The following LTBP1 variants were observed in gnomAD, a reference collection of about 807,000 sequenced individuals.
The protein encoded by LTBP1 is latent-transforming growth factor beta-binding protein 1.
LTBP1 carries 129 observed loss-of-function variants against 207.6 expected under a neutral mutation model. The ratio of observed to expected loss-of-function variants is 0.62; its 90% confidence interval spans 0.54 to 0.72. The LOEUF is 0.72. Ranked by LOEUF, LTBP1 falls within the 30% of genes least tolerant of loss-of-function variation. The probability of loss-of-function intolerance (pLI) is 0.00; values close to 1 mark genes in which losing one functional copy is unlikely to be tolerated. For missense variants in LTBP1, 2,281 were observed against 2,217.2 expected, an observed-to-expected ratio of 1.03 and a Z score of -0.58; for synonymous variants, 963 against 833.7, an observed-to-expected ratio of 1.16 and a Z score of -2.67.
chr2:33,164,416 A>T (rs1291331208), intron 5 of LTBP1, among the ~76,000 whole-genome samples: 1 of 151,052 alleles, frequency 6.6e-6, no homozygotes, highest in African/African-American at 2.4e-5. Flanking sequence ...AATAAATCTG[A>T]AGTTTGGTTC....
chr2:33,335,753 T>C (rs543189784), intron 24 of LTBP1, among the ~76,000 whole-genome samples: 23 of 152,338 alleles, frequency 1.5e-4, no homozygotes, highest in Admixed American at 3.9e-4. Context: ...ACTTGTTGGC[T>C]GAGATTTACT....
intron 3 of LTBP1, among the ~76,000 whole-genome samples, chr2:33,039,108 CTGATTAGTG>C (rs2076063394): frequency 6.6e-6 from 1 of 152,192 alleles, no homozygotes; most frequent in Admixed American, 6.5e-5. Context: ...TCGAAGAGTA[CTGATTAGTG>C]TGTTCAGAGG....
At chr2:33,387,155 A>G (rs936600785) in intron 31 of LTBP1, among the ~76,000 whole-genome samples, 6 of 152,154 alleles carry the variant, frequency 3.9e-5, no homozygotes, top group African/African-American at 1.2e-4. Flanking sequence ...CATTTTTAAC[A>G]TCTCCTCTAG....
intron 2 of LTBP1, among the ~76,000 whole-genome samples, chr2:32,964,373 C>T (rs1027960142): frequency 6.6e-5 from 10 of 152,068 alleles, no homozygotes; most frequent in Non-Finnish European, 1.5e-4. Context: ...TCTTTTCTTT[C>T]CACAAAATAA....
chr2:33,004,760 GTGA>G (rs1686530516), intron 2 of LTBP1, among the ~76,000 whole-genome samples: 1 of 104,962 alleles, frequency 9.5e-6, no homozygotes, highest in Non-Finnish European at 1.9e-5. Flanking sequence ...GGGTGACAGA[GTGA>G]GCCTCAGTCT....
chr2:33,210,002 G>A (rs2149261895), intron 7 of LTBP1, among the ~76,000 whole-genome samples: 1 of 152,388 alleles, frequency 6.6e-6, no homozygotes, highest in South Asian at 2.1e-4. Context: ...AAGTGAAGAT[G>A]TGAATGTTTT....
At chr2:33,326,793 G>A (rs1026984715) in intron 24 of LTBP1, among the ~76,000 whole-genome samples, 1 of 151,916 alleles carries the variant, frequency 6.6e-6, no homozygotes, top group African/African-American at 2.4e-5. Flanking sequence ...CCAGTAGCTG[G>A]GATTACAGGC....
chr2:32,947,821 A>G lies in LTBP1; in HGVS notation c.494+3A>G. On this transcript the variant is annotated splice_donor_region_variant and intron_variant, in intron 1 of 33. Transcript: ENST00000404816. ...CACCAGAAGCAGCAGCTGCAGGGGT[A>G]AGCCCACACCCCCTTCCGCCCGCCC... is the stretch of plus-strand genomic sequence containing the variant. 2.1e-6 allele frequency: 3 copies of G among 1,396,978 alleles called. No homozygotes were observed. The highest frequency in any genetic ancestry group is 2.8e-6 in the Non-Finnish European group (3 of 1,066,462). The allele number at this position is 1,396,978 out of a possible 1,614,324, so 86.5% of individuals were successfully genotyped here.
intron 3 of LTBP1, among the ~76,000 whole-genome samples, chr2:33,084,443 C>T (rs1254870657): frequency 6.6e-6 from 1 of 152,054 alleles, no homozygotes; most frequent in Non-Finnish European, 1.5e-5. Context: ...ATCCTCATTG[C>T]GTCTGTAGCA....
intron 3 of LTBP1, among the ~76,000 whole-genome samples, chr2:33,096,091 C>G (rs569283920): frequency 6.6e-6 from 1 of 152,114 alleles, no homozygotes; most frequent in African/African-American, 2.4e-5. Context: ...CATAATAAAA[C>G]AACTGAAAAC....
intron 3 of LTBP1, among the ~76,000 whole-genome samples, chr2:33,098,639 C>A (rs902750724): frequency 1.3e-5 from 2 of 151,868 alleles, no homozygotes; most frequent in African/African-American, 4.8e-5. Context: ...GGTGTTTCAC[C>A]TGTTGGCCAG....
At chr2:33,120,867 A>T (rs1217510274) in intron 4 of LTBP1, among the ~76,000 whole-genome samples, 1 of 152,226 alleles carries the variant, frequency 6.6e-6, no homozygotes, top group Non-Finnish European at 1.5e-5. Flanking sequence ...CATCATCTTT[A>T]TTAAGCAAAG....
chr2:33,340,341 G>T (rs2149632091), intron 24 of LTBP1, among the ~76,000 whole-genome samples: 1 of 152,136 alleles, frequency 6.6e-6, no homozygotes, highest in East Asian at 1.9e-4. Context: ...AAGGAGCATG[G>T]TCACTGAAAC....
chr2:33,167,475 T>C (rs2085027407), intron 5 of LTBP1, among the ~76,000 whole-genome samples: 3 of 152,348 alleles, frequency 2.0e-5, no homozygotes, highest in African/African-American at 7.2e-5. Context: ...TTTCTTTCTT[T>C]CTGGAACTCA....
intron 10 of LTBP1, among the ~76,000 whole-genome samples, chr2:33,247,218 TC>T (rs2092542499): frequency 6.6e-6 from 1 of 152,220 alleles, no homozygotes; most frequent in African/African-American, 2.4e-5. Context: ...TCTGCCGTAG[TC>T]CTGGAAGTCA....
chr2:33,206,874 T>C (rs1287606621), intron 7 of LTBP1, among the ~76,000 whole-genome samples: 1 of 151,944 alleles, frequency 6.6e-6, no homozygotes, highest in Non-Finnish European at 1.5e-5. Context: ...GAGTCTTTCT[T>C]TTTAGACACA....
intron 4 of LTBP1, among the ~76,000 whole-genome samples, chr2:33,112,857 G>A (rs2080497490): frequency 6.6e-6 from 1 of 152,200 alleles, no homozygotes; most frequent in Non-Finnish European, 1.5e-5. Flanking sequence ...AGAAAGGAAG[G>A]AACAGTTAGT....
rs141496340 is a variant in LTBP1, at chr2:33,001,696, G to A, written c.566-19213G>A. Among the ~76,000 whole-genome samples, 114 of 134,866 alleles carry A rather than the reference G, an allele frequency of 8.5e-4. 16 individuals carry two copies. The highest frequency in any genetic ancestry group is 2.0e-3 in the African/African-American group (79 of 38,750). The allele number at this position is 134,866 out of a possible 152,430, so 88.5% of individuals were successfully genotyped here. A position where few individuals can be genotyped will look rare whatever the true frequency, so the allele number is the denominator to read the frequency against. On this transcript the variant is annotated intron_variant, in intron 2 of 33. Transcript: ENST00000404816. ...TATGATATTGTTTCTGCAGGACAGT[G>A]CATTGCATAGTATGGTCCCCGTGCT...
intron 3 of LTBP1, among the ~76,000 whole-genome samples, chr2:33,076,759 T>A (rs554812515): frequency 3.9e-5 from 6 of 152,044 alleles, no homozygotes; most frequent in Admixed American, 3.9e-4. Context: ...ATGGTCTCAA[T>A]CTCTTGACCT....
Sources: allele counts gnomAD v4.1 joint callset (sites outside exome capture counted in the v4.1 genomes callset), GRCh38; gene constraint gnomAD v4.1.1; transcripts MANE v1.5; gene names NCBI Gene and HGNC (gene_info 2026-07-23, HGNC 2026-07-21).